The following RGS12 variants were observed in gnomAD, a reference collection of about 807,000 sequenced individuals.
RGS12 encodes regulator of G protein signaling 12, also known as regulator of G-protein signaling 12.
RGS12 carries 66 observed loss-of-function variants against 120.1 expected under a neutral mutation model. The ratio of observed to expected loss-of-function variants is 0.55; its 90% CI spans 0.45 to 0.67. The LOEUF (loss-of-function observed/expected upper bound fraction) is 0.67. RGS12 is among the 30% of genes least tolerant of loss of function. The pLI, the probability that RGS12 is intolerant of heterozygous loss-of-function variation, is 0.00. For missense variants in RGS12, 1,859 were observed against 1,957.7 expected (o/e 0.95, Z 0.95); for synonymous variants, 827 against 804.7 (o/e 1.03, Z -0.47).
At chr4:3,432,592 C>A (rs1724422784) in intron 17 of RGS12, among the ~76,000 whole-genome samples, 1 of 152,236 alleles carries the variant, frequency 6.6e-6, no homozygotes, top group Non-Finnish European at 1.5e-5. Context: ...GCCATTAGCA[C>A]AGAGGTGGTT....
intron 2 of RGS12, among the ~76,000 whole-genome samples, chr4:3,332,900 C>T (rs1462487263): frequency 1.3e-5 from 2 of 152,184 alleles, no homozygotes; most frequent in African/African-American, 2.4e-5. Context: ...TCTCGGCTCA[C>T]TGCAACCTCC....
At chr4:3,404,388 C>G (rs1720898967) in intron 4 of RGS12, among the ~76,000 whole-genome samples, 1 of 152,204 alleles carries the variant, frequency 6.6e-6, no homozygotes, top group Non-Finnish European at 1.5e-5. Flanking sequence ...GAAAGGGAAA[C>G]AAAATCACTT....
chr4:3,412,847 G>A (rs536784220), intron 4 of RGS12: 1 of 152,452 alleles, frequency 6.6e-6, no homozygotes, highest in East Asian at 1.9e-4. Context: ...TGCTCACAGA[G>A]GAGACATACG....
At chr4:3,336,107 A>G (rs1214725085) in intron 2 of RGS12, among the ~76,000 whole-genome samples, 3 of 152,082 alleles carry the variant, frequency 2.0e-5, no homozygotes, top group Non-Finnish European at 4.4e-5. Context: ...ACAAGCAGGC[A>G]AACAAACAAA....
chr4:3,431,532 G>A, intron 17 of RGS12: 1 of 986,186 alleles, frequency 1.0e-6, no homozygotes. Flanking sequence ...TCTGACCGCG[G>A]GTGTCACGGG....
intron 15 of RGS12, 182 bp downstream of exon 15, chr4:3,428,351 G>A (rs774029763): frequency 1.3e-6 from 1 of 787,450 alleles, no homozygotes. Context: ...TGAAGGACTG[G>A]CTTTCTTTTC....
rs1223966853 is a variant in RGS12 at position 3,365,620 on chromosome 4, C to T, written c.1999-20796C>T. The stretch of plus-strand genomic sequence containing the variant: ...ATGTTGGCTTCTTCCTGGCCTCCCA[C>T]TCACCTCTGGGACGACGTGCCGCAC... On this transcript the variant is annotated intron_variant, in intron 3 of 17. Transcript: ENST00000336727. The surrounding 1 kb of genome is among the most constrained non-coding windows in gnomAD (Gnocchi z 4.0). 2.6e-5 allele frequency among the ~76,000 whole-genome samples: 4 copies of T among 152,180 alleles called. No individual in the cohort carries two copies. The highest frequency in any genetic ancestry group is 9.7e-5 in the African/African-American group (4 of 41,446).
chr4:3,291,305 C>T (rs1319562172), upstream of RGS12, among the ~76,000 whole-genome samples: 2 of 150,844 alleles, frequency 1.3e-5, no homozygotes, highest in East Asian at 3.9e-4. Context: ...AGAAGGTCCA[C>T]AGTTTTGGGG....
intron 17 of RGS12, chr4:3,431,644 G>A (rs958693551): frequency 3.0e-4 from 296 of 985,538 alleles, no homozygotes; most frequent in Non-Finnish European, 3.4e-4. Context: ...AAACTGAGGC[G>A]AGGCTCCCAG....
At chr4:3,378,255 ACAT>A (rs1271604101) in intron 3 of RGS12, 2 of 152,180 alleles carry the variant, frequency 1.3e-5, no homozygotes, top group Non-Finnish European at 2.9e-5. Flanking sequence ...CCATACACAA[ACAT>A]CATCTCACAA....
At position 3,414,213 on chromosome 4, in the gene RGS12, A is replaced by G; in HGVS notation, c.2162A>G (p.Gln721Arg). Residue 721 changes from glutamine (Q) to arginine (R), a missense_variant, in exon 5 of 18, where the codon CAG (glutamine) becomes CGG (arginine). Coordinates refer to ENST00000336727, the MANE Select transcript of RGS12 (RefSeq NM_001394154.1). ...SWAVSFERLL[Q>R]DPVGVRYFSD... ...GCCGTGTCCTTTGAGCGCCTGCTGC[A>G]GGACCCCGTCGGTGTCCGCTACTTC... 1 of 1,547,672 alleles carries G rather than the reference A, an allele frequency of 6.5e-7. No homozygotes were observed. The highest frequency in any genetic ancestry group is 8.7e-7 in the Non-Finnish European group (1 of 1,149,960).
Position 3,430,848 on chromosome 4 carries a change from A to G in RGS12, c.4007A>G (p.His1336Arg). 6.2e-7 allele frequency: 1 copy of G among 1,611,984 alleles called. No homozygotes were observed. Among genetic ancestry groups the G allele is most frequent in the Non-Finnish European group, 8.5e-7 (1 of 1,179,582 alleles). ...AGGIQTVEDE[H>R]VAELTLMGEG... ...GGCATCCAGACGGTGGAGGATGAGC[A>G]CGTGGCCGAGCTGACCCTGATGGGG... The change falls in exon 17 of 18, where the codon CAC becomes CGC. Residue 1336 changes from histidine to arginine, a missense_variant. Coordinates refer to ENST00000336727, the MANE Select transcript of RGS12 (RefSeq NM_001394154.1).
chr4:3,383,621 A>G (rs954923130), intron 3 of RGS12, among the ~76,000 whole-genome samples: 5 of 152,060 alleles, frequency 3.3e-5, no homozygotes, highest in Admixed American at 1.3e-4. Flanking sequence ...AAGTATGTGT[A>G]TCTCTCTACT....
At chr4:3,428,015 G>A in intron 14 of RGS12, 75 bp from the exon 15 acceptor site, 2 of 1,369,958 alleles carry the variant, frequency 1.5e-6, no homozygotes, top group Non-Finnish European at 2.1e-6. Flanking sequence ...CTCAGAGACA[G>A]TAGGAGCAGG....
At chr4:3,436,802 T>C (rs1353378306) in intron 17 of RGS12, among the ~76,000 whole-genome samples, 1 of 152,154 alleles carries the variant, frequency 6.6e-6, no homozygotes, top group Non-Finnish European at 1.5e-5. Context: ...CTGCTGCATC[T>C]TGTGGGGCCT....
At position 3,316,976 on chromosome 4, in the gene RGS12, A is replaced by T; in HGVS notation, c.806A>T (p.His269Leu). ...CGCCTGCGGGCAGAGCAGAAAATCC[A>T]CTCGCTGGTGACCATGAAGATCATG... ...MRRLRAEQKIHSLVTMKIMHD... is the reference protein window; with the variant it reads ...MRRLRAEQKILSLVTMKIMHD... Residue 269 changes from histidine to leucine, a missense_variant, in exon 2 of 18, where the codon CAC (histidine) becomes CTC (leucine). This residue lies in a region of RGS12 where 967 missense variants were observed against 994.2 expected (regional missense o/e 0.97). Coordinates refer to ENST00000336727, the MANE Select transcript of RGS12 (RefSeq NM_001394154.1). 5 of 1,613,764 alleles carry T rather than the reference A, an allele frequency of 3.1e-6. No homozygotes were observed. In the South Asian group the frequency reaches 3.3e-5, roughly 11 times the overall value.
chr4:3,368,465 G>A (rs1716590496), intron 3 of RGS12, among the ~76,000 whole-genome samples: 1 of 135,840 alleles, frequency 7.4e-6, no homozygotes, highest in Non-Finnish European at 1.6e-5. Flanking sequence ...GTGCCTTTGT[G>A]TGTGGGGGTG....
At chr4:3,427,714 A>T (rs1289311659) in intron 14 of RGS12, among the ~76,000 whole-genome samples, 1 of 152,140 alleles carries the variant, frequency 6.6e-6, no homozygotes, top group African/African-American at 2.4e-5. Flanking sequence ...CCAGCCTGGG[A>T]GACAGAGTGA....
chr4:3,315,335 T>C lies in RGS12; in HGVS notation c.-101-735T>C, dbSNP rs1013096689. On this transcript the variant is annotated intron_variant, in intron 1 of 17. Transcript: ENST00000336727. ...GATCCGCGGACCACTGACAAGTTTG[T>C]TCTCAATGACAACCAATACTTTTAT... 2.0e-5 allele frequency among the ~76,000 whole-genome samples: 3 copies of C among 152,242 alleles called. No homozygotes were observed. In the East Asian group the frequency reaches 5.8e-4, roughly 29 times the overall value.
Sources: allele counts gnomAD v4.1 joint callset (sites outside exome capture counted in the v4.1 genomes callset), GRCh38; gene constraint gnomAD v4.1.1; regional missense constraint gnomAD v4.1.1; non-coding constraint Gnocchi (gnomAD v3.1); transcripts MANE v1.5; gene names NCBI Gene and HGNC (gene_info 2026-07-23, HGNC 2026-07-21).